ADAM22: variants seen among roughly 807,000 people sequenced by gnomAD.
The protein encoded by ADAM22 is disintegrin and metalloproteinase domain-containing protein 22.
In ADAM22, 65 loss-of-function variants were observed where a neutral mutation model predicts 144.6. That is an observed-to-expected ratio of 0.45 (90% CI 0.37 to 0.55). The LOEUF (loss-of-function observed/expected upper bound fraction) is 0.55. ADAM22 is among the 20% of genes least tolerant of loss of function. The pLI is 0.00. For synonymous variants in ADAM22, 391 were observed against 412.6 expected (o/e 0.95, Z 0.63); for missense variants, 974 against 1,184.9 (o/e 0.82, Z 2.61).
chr7:88,008,602 G>C (rs942279361), intron 3 of ADAM22, among the ~76,000 whole-genome samples: 59 of 151,494 alleles, frequency 3.9e-4, no homozygotes, highest in Admixed American at 7.2e-4. Flanking sequence ...CCTTTGTAGG[G>C]ACATGGATGA....
chr7:88,130,590 G>A (rs759169123), intron 10 of ADAM22, 131 bp downstream of exon 10: 6 of 788,944 alleles, frequency 7.6e-6, no homozygotes, highest in Admixed American at 3.1e-5. Context: ...AGTAAGTTCC[G>A]GGTGACCTTG....
rs1563113668 is a variant in ADAM22 at position 88,053,576 on chromosome 7, A to AAGG, written c.324-22049_324-22048insGGA. ...AGAAAGAAAGAAAGAAGGAAGGAGG[A>AAGG]AAGGAAGGAAGGAAGGAAAGAAAGA... On this transcript the variant is annotated intron_variant, in intron 3 of 31. Coordinates refer to ENST00000413139, the MANE Select transcript of ADAM22 (RefSeq NM_001324418.2). 5.1e-3 allele frequency among the ~76,000 whole-genome samples: 620 copies of AAGG among 121,518 alleles called. 18 individuals are homozygous for AAGG. Among genetic ancestry groups the AAGG allele is most frequent in the African/African-American group, 0.019 (590 of 31,378 alleles). 79.7% of individuals were successfully genotyped at this position (121,518 alleles called of 152,430 possible).
chr7:88,078,120 C>T lies in ADAM22; in HGVS notation c.390+2428C>T, dbSNP rs554610409. ...GTAGGGTCAGACTGATGGACTGACA[C>T]CTCACACAGCTGGGTACTCCTCTGA... On this transcript the variant is annotated intron_variant, in intron 4 of 31. Transcript: ENST00000413139. Among the ~76,000 whole-genome samples the T allele has an allele frequency of 3.3e-5, 5 of 152,286 alleles. No homozygotes were observed. The South Asian group carries it at 1.0e-3, about 32-fold the overall frequency.
intron 8 of ADAM22, among the ~76,000 whole-genome samples, chr7:88,126,829 A>T (rs117450283): frequency 0.017 from 2,601 of 152,048 alleles, 30 homozygotes; most frequent in Non-Finnish European, 0.025. Flanking sequence ...TTTTCAGATG[A>T]GAGATACTTA....
At chr7:88,172,538 A>G (rs1844595854) in intron 26 of ADAM22, among the ~76,000 whole-genome samples, 1 of 151,942 alleles carries the variant, frequency 6.6e-6, no homozygotes, top group Non-Finnish European at 1.5e-5. Flanking sequence ...GTCATGCTCC[A>G]TCACAACTTT....
chr7:88,004,084 A>G (rs1204754377), intron 3 of ADAM22, among the ~76,000 whole-genome samples: 1 of 152,186 alleles, frequency 6.6e-6, no homozygotes, highest in Non-Finnish European at 1.5e-5. Flanking sequence ...CTTCTTGGGG[A>G]TTTGAAGTCC....
intron 3 of ADAM22, among the ~76,000 whole-genome samples, chr7:88,007,440 A>C (rs1019105616): frequency 6.6e-6 from 1 of 152,224 alleles, no homozygotes; most frequent in African/African-American, 2.4e-5. Flanking sequence ...CGCATTGCCA[A>C]GTCAATCCTA....
chr7:88,175,505 T>G (rs1845417075), intron 26 of ADAM22, among the ~76,000 whole-genome samples: 1 of 152,152 alleles, frequency 6.6e-6, no homozygotes, highest in South Asian at 2.1e-4. Context: ...ATGTAATTAA[T>G]GTGGGGAGAG....
rs1850897646 is a variant in ADAM22 at position 88,198,382 on chromosome 7, C to G, written c.*1891C>G. On this transcript the variant is annotated 3_prime_UTR_variant, in exon 32 of 32. Coordinates refer to ENST00000413139, the MANE Select transcript of ADAM22 (RefSeq NM_001324418.2). ...TAATGTAAAACAGCATTTTTCATGACAGGAAGGGATGTGATTGTTGATATG... is the reference window on the plus strand; with the variant it reads ...TAATGTAAAACAGCATTTTTCATGAGAGGAAGGGATGTGATTGTTGATATG... The G allele has an allele frequency of 6.6e-6, 1 of 152,102 alleles. No homozygotes were observed. Among genetic ancestry groups the G allele is most frequent in the Non-Finnish European group, 1.5e-5 (1 of 68,036 alleles). 9.4% of individuals were successfully genotyped at this position (152,102 alleles called of 1,614,324 possible).
intron 17 of ADAM22, among the ~76,000 whole-genome samples, chr7:88,147,889 T>A (rs570256919): frequency 1.3e-5 from 2 of 152,314 alleles, no homozygotes; most frequent in African/African-American, 4.8e-5. Context: ...TATTTCCTTA[T>A]TTTTAACCCA....
At chr7:88,088,356 C>T (rs183940064) in intron 4 of ADAM22, among the ~76,000 whole-genome samples, 338 of 152,234 alleles carry the variant, frequency 2.2e-3, no homozygotes, top group African/African-American at 7.7e-3. Flanking sequence ...TACCATCTCC[C>T]AGCAGGCACC....
intron 3 of ADAM22, among the ~76,000 whole-genome samples, chr7:88,057,901 T>C (rs547992281): frequency 1.3e-5 from 2 of 152,344 alleles, no homozygotes; most frequent in South Asian, 4.1e-4. Flanking sequence ...CATGCCCCCA[T>C]TACTTAAATT....
chr7:88,191,008 C>G (rs1222731497), intron 30 of ADAM22, among the ~76,000 whole-genome samples: 1 of 152,100 alleles, frequency 6.6e-6, no homozygotes, highest in Non-Finnish European at 1.5e-5. Flanking sequence ...CCAAGATAAT[C>G]AATTTTATAC....
chr7:87,955,688 A>C (rs1846494994), intron 2 of ADAM22, among the ~76,000 whole-genome samples: 1 of 152,216 alleles, frequency 6.6e-6, no homozygotes, highest in South Asian at 2.1e-4. Flanking sequence ...TTAAGTCTGC[A>C]GAGGTTACTG....
intron 3 of ADAM22, among the ~76,000 whole-genome samples, chr7:88,066,500 A>G (rs1254407680): frequency 1.3e-5 from 2 of 152,136 alleles, no homozygotes; most frequent in African/African-American, 4.8e-5. Context: ...TTTAATAAGT[A>G]AGAGATGTTG....
At chr7:87,949,489 G>C (rs563332720) in intron 2 of ADAM22, among the ~76,000 whole-genome samples, 1 of 152,118 alleles carries the variant, frequency 6.6e-6, no homozygotes, top group Non-Finnish European at 1.5e-5. Context: ...TAACCTTTTT[G>C]TGTGACTTTA....
At chr7:88,013,224 C>A (rs1047860583) in intron 3 of ADAM22, among the ~76,000 whole-genome samples, 3 of 152,180 alleles carry the variant, frequency 2.0e-5, no homozygotes, top group Non-Finnish European at 2.9e-5. Flanking sequence ...TCTATGTTCA[C>A]CTGTTTTTCC....
intron 2 of ADAM22, among the ~76,000 whole-genome samples, chr7:87,941,400 T>G (rs1842450438): frequency 6.6e-6 from 1 of 152,218 alleles, no homozygotes; most frequent in Non-Finnish European, 1.5e-5. Flanking sequence ...TGAGGGGCAC[T>G]GAGTCAGCTT....
chr7:88,059,320 G>T (rs182281176), intron 3 of ADAM22, among the ~76,000 whole-genome samples: 1 of 152,146 alleles, frequency 6.6e-6, no homozygotes. Flanking sequence ...AGCCAAGGAC[G>T]ATCAGCTGTT....
Sources: gnomAD v4.1 joint callset for allele counts (sites outside exome capture counted in the v4.1 genomes callset) on GRCh38, gnomAD v4.1.1 for gene constraint, MANE v1.5 for transcripts, NCBI Gene and HGNC (gene_info 2026-07-23, HGNC 2026-07-21) for gene names.